The following GRIN2A variants were observed in gnomAD, a reference collection of about 807,000 sequenced individuals.
The protein encoded by GRIN2A is glutamate receptor ionotropic, NMDA 2A.
Under a neutral mutation model 113.4 loss-of-function variants are expected in GRIN2A, and 22 were observed. The observed-to-expected ratio is 0.19, with a 90% confidence interval of 0.14 to 0.28. The LOEUF is 0.28. Ranked by LOEUF, GRIN2A falls within the 10% of genes least tolerant of loss-of-function variation. The pLI is 1.00. For synonymous variants in GRIN2A, 827 were observed against 738.4 expected (o/e 1.12, Z -1.94); for missense variants, 1,502 against 1,887.0 (o/e 0.80, Z 3.78).
At chr16:9,867,930 T>G (rs1596518154) in intron 4 of GRIN2A, among the ~76,000 whole-genome samples, 1 of 152,080 alleles carries the variant, frequency 6.6e-6, no homozygotes, top group African/African-American at 2.4e-5. Flanking sequence ...CCGAGAAACC[T>G]CAAACTCAGT....
intron 2 of GRIN2A, among the ~76,000 whole-genome samples, chr16:9,953,688 G>A (rs1218799431): frequency 2.0e-5 from 3 of 152,170 alleles, no homozygotes; most frequent in African/African-American, 7.2e-5. Context: ...GAGGTACGAG[G>A]AGAAAGCCGG....
At chr16:10,179,719 C>A (rs889534870) in intron 2 of GRIN2A, 9 of 513,702 alleles carry the variant, frequency 1.8e-5, no homozygotes, top group African/African-American at 9.6e-5. Context: ...CACCACCACC[C>A]CACAGCCTAC....
intron 2 of GRIN2A, among the ~76,000 whole-genome samples, chr16:10,124,215 A>G (rs992350291): frequency 1.1e-4 from 16 of 152,158 alleles, no homozygotes; most frequent in Admixed American, 6.5e-5. Flanking sequence ...CACGATGTAT[A>G]GGGAAAAAAG....
intron 11 of GRIN2A, among the ~76,000 whole-genome samples, chr16:9,793,719 C>T (rs1036591405): frequency 6.6e-6 from 1 of 152,016 alleles, no homozygotes; most frequent in African/African-American, 2.4e-5. Context: ...TCTCCTTGAC[C>T]ATTCTCTTAT....
chr16:9,829,395 G>A (rs367564092), intron 9 of GRIN2A, 28 bp downstream of exon 9: 21 of 1,457,892 alleles, frequency 1.4e-5, no homozygotes, highest in Non-Finnish European at 1.8e-5. Flanking sequence ...CCAACCCTCA[G>A]ATGGAGAGGA....
At chr16:10,090,057 C>T (rs9926722) in intron 2 of GRIN2A, among the ~76,000 whole-genome samples, 2,698 of 152,132 alleles carry the variant, frequency 0.018, 75 homozygotes, top group African/African-American at 0.061. Context: ...TATTTTACAG[C>T]TTTTTTAGTA....
At chr16:10,170,587 C>T (rs986010141) in intron 2 of GRIN2A, among the ~76,000 whole-genome samples, 14 of 152,186 alleles carry the variant, frequency 9.2e-5, no homozygotes, top group Non-Finnish European at 1.8e-4. Context: ...ATCAGAATAT[C>T]ATTTGGGGCT....
At chr16:9,838,516 G>C (rs1391240870) in intron 7 of GRIN2A, among the ~76,000 whole-genome samples, 1 of 152,096 alleles carries the variant, frequency 6.6e-6, no homozygotes, top group Admixed American at 6.6e-5. Context: ...TGAAACTGGA[G>C]GCCATCATTC....
rs748651082 is a variant in GRIN2A at position 9,890,973 on chromosome 16, GA to G, written c.1122+12del. 1 of 1,521,062 alleles carries G rather than the reference GA, an allele frequency of 6.6e-7. No individual in the cohort carries two copies. Among genetic ancestry groups the G allele is most frequent in the South Asian group, 1.1e-5 (1 of 89,328 alleles). 94.2% of individuals were successfully genotyped at this position (1,521,062 alleles called of 1,614,324 possible). On this transcript the variant is annotated intron_variant, in intron 4 of 12. Transcript: ENST00000330684. ...TTCCCTCCCCTGCATTCAGCACACA[GA>G]AGGATGCTCACCTTTTCCCATTCCC...
chr16:9,801,075 T>C (rs1194230447), intron 10 of GRIN2A, among the ~76,000 whole-genome samples: 6 of 152,204 alleles, frequency 3.9e-5, no homozygotes. Context: ...GTGGCGTTCA[T>C]TGTGGTCTTG....
chr16:9,825,786 C>T (rs753064956), intron 9 of GRIN2A, among the ~76,000 whole-genome samples: 9 of 152,114 alleles, frequency 5.9e-5, no homozygotes, highest in Admixed American at 2.0e-4. Flanking sequence ...CACTCAGCAG[C>T]AGCAGCACAG....
chr16:10,125,791 C>T (rs1455058839), intron 2 of GRIN2A, among the ~76,000 whole-genome samples: 6 of 151,990 alleles, frequency 3.9e-5, no homozygotes, highest in Non-Finnish European at 5.9e-5. Context: ...GAAAATCAGG[C>T]GTCCTACAGG....
At chr16:9,912,142 G>A (rs977248003) in intron 3 of GRIN2A, among the ~76,000 whole-genome samples, 18 of 152,068 alleles carry the variant, frequency 1.2e-4, no homozygotes, top group Admixed American at 5.2e-4. Flanking sequence ...TGACGATGAC[G>A]ATAAAGGAAA....
intron 2 of GRIN2A, among the ~76,000 whole-genome samples, chr16:10,090,162 A>T (rs1041497862): frequency 6.6e-6 from 1 of 152,118 alleles, no homozygotes; most frequent in Non-Finnish European, 1.5e-5. Flanking sequence ...CTATTTTACC[A>T]TATCTATCTC....
At chr16:9,905,585 C>A (rs957335285) in intron 3 of GRIN2A, among the ~76,000 whole-genome samples, 1 of 152,198 alleles carries the variant, frequency 6.6e-6, no homozygotes, top group South Asian at 2.1e-4. Context: ...TCCTTCCTCT[C>A]GCAAAAACCT....
intron 3 of GRIN2A, among the ~76,000 whole-genome samples, chr16:9,891,964 C>T (rs1046303432): frequency 5.3e-5 from 8 of 152,160 alleles, no homozygotes; most frequent in African/African-American, 1.4e-4. Context: ...CATGGTGGCT[C>T]ACACCTGTAA....
In GRIN2A at chr16:9,823,585, A is replaced by G. The variant is rs1242185292; in HGVS notation, c.2008-1161T>C. Among the ~76,000 whole-genome samples, 4 of 152,222 alleles carry G rather than the reference A, an allele frequency of 2.6e-5. No homozygotes were observed. In the East Asian group the frequency reaches 7.7e-4, roughly 29 times the overall value. ...CTGGAACTAGAAAGTAATAACAACA[A>G]TGACTAACACTTTTTGGGAACCTAG... On this transcript the variant is annotated intron_variant, in intron 9 of 12. Coordinates refer to ENST00000330684, the MANE Select transcript of GRIN2A (RefSeq NM_001134407.3).
intron 2 of GRIN2A, among the ~76,000 whole-genome samples, chr16:10,080,230 C>T (rs2047952764): frequency 6.6e-6 from 1 of 152,142 alleles, no homozygotes; most frequent in Admixed American, 6.5e-5. Context: ...GGTTCTCACT[C>T]CCAAGGCAGT....
intron 10 of GRIN2A, among the ~76,000 whole-genome samples, chr16:9,799,964 A>ATATTATTATTATTATTATTATTATTAT (rs71400498): frequency 1.1e-4 from 17 of 149,704 alleles, no homozygotes; most frequent in African/African-American, 4.2e-4. Context: ...CTGTGCCTAA[A>ATATTATTATTATTATTATTATTATTAT]TATTATTATT....
Sources: gnomAD v4.1 joint callset for allele counts (sites outside exome capture counted in the v4.1 genomes callset) on GRCh38, gnomAD v4.1.1 for gene constraint, MANE v1.5 for transcripts, NCBI Gene and HGNC (gene_info 2026-07-23, HGNC 2026-07-21) for gene names.